ASPHD1: variants seen among roughly 807,000 people sequenced by gnomAD.
ASPHD1 encodes the protein aspartate beta-hydroxylase domain-containing protein 1.
Under a neutral mutation model 28.3 loss-of-function variants are expected in ASPHD1, and 20 were observed. The observed-to-expected ratio is 0.71, with a 90% CI of 0.50 to 1.03. The LOEUF (loss-of-function observed/expected upper bound fraction) is 1.03. Among genes scored for constraint, ASPHD1 ranks in the 50% least tolerant of loss-of-function variants. The pLI is 0.00. For synonymous variants in ASPHD1, 240 were observed against 221.2 expected (o/e 1.08, Z -0.75); for missense variants, 479 against 524.1 (o/e 0.91, Z 0.84).
rs1456583154 is a variant in ASPHD1 at position 29,901,119 on chromosome 16, G to C, written c.148G>C (p.Gly50Arg). ...GACAGGTGGGGAGCTGGGGGGACAG[G>C]GGAACTGGGGTCCGGAGGACGCCCC... is the stretch of plus-strand genomic sequence containing the variant. ...EGTGGELGGQGNWGPEDAPGL... is the reference protein window; with the variant it reads ...EGTGGELGGQRNWGPEDAPGL... Residue 50 changes from glycine to arginine, a missense_variant, in exon 1 of 3, where the codon GGG (glycine) becomes CGG (arginine). Transcript: ENST00000308748. The surrounding 1 kb of genome is among the most constrained non-coding windows in gnomAD (Gnocchi z 5.1). The C allele has an allele frequency of 6.2e-7, 1 of 1,609,152 alleles. No individual in the cohort carries two copies. The highest frequency in any genetic ancestry group is 1.3e-5 in the African/African-American group (1 of 74,856).
At chr16:29,905,397 G>A (rs911080827) in intron 2 of ASPHD1, among the ~76,000 whole-genome samples, 2 of 152,022 alleles carry the variant, frequency 1.3e-5, no homozygotes, top group Non-Finnish European at 2.9e-5. Context: ...AGGCTGAGGT[G>A]GGCGGATCAC....
At chr16:29,902,016 T>C in intron 1 of ASPHD1, 96 bp downstream of exon 1, 1 of 1,026,362 alleles carries the variant, frequency 9.7e-7, no homozygotes, top group Non-Finnish European at 1.3e-6. Flanking sequence ...TGGTTCTCAT[T>C]GTGCCTCTCT....
At position 29,906,005 on chromosome 16, in the gene ASPHD1, G is replaced by GGGGGGGGTGT; in HGVS notation, c.*108_*109insGGGGGGGTGT. Reference sequence around the variant, plus strand: ...ACTGCGGGGGTGGGCGGGGGCGGAGGATGGGAACTGGCTAGTGAGCACTGA... The same window carrying GGGGGGGGTGT: ...ACTGCGGGGGTGGGCGGGGGCGGAGGGGGGGGGTGTATGGGAACTGGCTAGTGAGCACTGA... On this transcript the variant is annotated 3_prime_UTR_variant, in exon 3 of 3. Transcript: ENST00000308748. 1 of 465,160 alleles carries GGGGGGGGTGT rather than the reference G, an allele frequency of 2.1e-6. No individual in the cohort carries two copies. The highest frequency in any genetic ancestry group is 4.0e-6 in the Non-Finnish European group (1 of 252,752). The allele number at this position is 465,160 out of a possible 1,614,324, so 28.8% of individuals were successfully genotyped here.
At chr16:29,905,519 T>C (rs563957332) in intron 2 of ASPHD1, among the ~76,000 whole-genome samples, 72 of 146,174 alleles carry the variant, frequency 4.9e-4, no homozygotes, top group African/African-American at 1.8e-3. Flanking sequence ...TCCCAGCTAC[T>C]AGGGAGACTG....
intron 2 of ASPHD1, 183 bp downstream of exon 2, chr16:29,905,148 G>T (rs1384936025): frequency 3.7e-6 from 2 of 534,164 alleles, no homozygotes; most frequent in African/African-American, 3.9e-5. Context: ...TCTTCATCAA[G>T]TAACTGCAAG....
Position 29,905,673 on chromosome 16 carries a change from G to A in ASPHD1, c.1064-115G>A, listed in dbSNP as rs574760929. On this transcript the variant is annotated intron_variant, in intron 2 of 2. Coordinates refer to ENST00000308748, the MANE Select transcript of ASPHD1 (RefSeq NM_181718.4). Reference sequence around the variant, plus strand: ...AAAAAAGATTTGATACATTTAAAGGGTTAGAACAAGGCCTGCCACTTATTT... The same window carrying A: ...AAAAAAGATTTGATACATTTAAAGGATTAGAACAAGGCCTGCCACTTATTT... The A allele has an allele frequency of 2.0e-3, 1,150 of 576,092 alleles. 13 individuals are homozygous for A. The highest frequency in any genetic ancestry group is 0.016 in the South Asian group (653 of 42,108). 35.7% of individuals were successfully genotyped at this position (576,092 alleles called of 1,614,324 possible). A position where few individuals can be genotyped will look rare whatever the true frequency, so the allele number is the denominator to read the frequency against.
chr16:29,910,059 T>C (rs889000351), downstream of ASPHD1, among the ~76,000 whole-genome samples: 4 of 146,790 alleles, frequency 2.7e-5, no homozygotes, highest in Non-Finnish European at 4.5e-5. Flanking sequence ...GATCACACCA[T>C]TGCACTGCAG....
chr16:29,917,991 T>G (rs2068839412), intron 3 of ASPHD1, among the ~76,000 whole-genome samples: 1 of 151,514 alleles, frequency 6.6e-6, no homozygotes, highest in Non-Finnish European at 1.5e-5. Flanking sequence ...TAACAGAAAA[T>G]CAGAAAAACA....
intron 3 of ASPHD1, chr16:29,911,871 G>T (rs747087552): frequency 6.2e-7 from 1 of 1,612,402 alleles, no homozygotes; most frequent in African/African-American, 1.3e-5. Context: ...CCACGGGCTG[G>T]CGGGGGAGAG....
chr16:29,901,397 G>T lies in ASPHD1; in HGVS notation c.426G>T (p.Thr142=), dbSNP rs764910375. ...GGGATCCCGGGGAAGGACCTAGGAC[G>T]GAAGGCCTAGTGAGCCGGCGGCTTC... is the stretch of plus-strand genomic sequence containing the variant. ...GPGDPGEGPR[T]EGLVSRRLRA... Residue 142 remains threonine (T), a synonymous_variant, in exon 1 of 3, where the codon ACG becomes ACT. Transcript: ENST00000308748. The surrounding 1 kb of genome is among the most constrained non-coding windows in gnomAD (Gnocchi z 5.1). 1.3e-6 allele frequency: 2 copies of T among 1,589,954 alleles called. No homozygotes were observed. The highest frequency in any genetic ancestry group is 1.7e-6 in the Non-Finnish European group (2 of 1,169,716).
chr16:29,904,901 G>A lies in ASPHD1; in HGVS notation c.999G>A (p.Gln333=). 1 of 1,613,452 alleles carries A rather than the reference G, an allele frequency of 6.2e-7. No homozygotes were observed. Among genetic ancestry groups the A allele is most frequent in the East Asian group, 2.2e-5 (1 of 44,820 alleles). The change falls in exon 2 of 3, where the codon CAG becomes CAA. Residue 333 remains glutamine, a synonymous_variant. Coordinates refer to ENST00000308748, the MANE Select transcript of ASPHD1 (RefSeq NM_181718.4). ...GCELVVGGEP[Q]CWAEGHCLLV... ...AGCTGGTGGTCGGCGGTGAGCCCCA[G>A]TGCTGGGCTGAGGGGCACTGTCTAC...
rs145551208 is a variant in ASPHD1 at position 29,912,343 on chromosome 16, A to G, written c.*62+6384A>G. On this transcript the variant is annotated intron_variant and NMD_transcript_variant, in intron 3 of 3. Coordinates refer to the ASPHD1 transcript ENST00000414952. ...GTCAGCGTGGCGTGTCCGTCATGCCATTCAGATCGCAGGTCACACAGTGCC... is the reference window on the plus strand; with the variant it reads ...GTCAGCGTGGCGTGTCCGTCATGCCGTTCAGATCGCAGGTCACACAGTGCC... The G allele has an allele frequency of 4.4e-3, 2,190 of 497,306 alleles. 7 individuals carry two copies. The highest frequency in any genetic ancestry group is 6.1e-3 in the Non-Finnish European group (1,734 of 283,592). 30.8% of individuals were successfully genotyped at this position (497,306 alleles called of 1,614,324 possible).
intron 1 of ASPHD1, among the ~76,000 whole-genome samples, chr16:29,904,530 G>A (rs2068582636): frequency 1.3e-5 from 2 of 148,804 alleles, no homozygotes; most frequent in Admixed American, 1.4e-4. Context: ...TGAGACACGA[G>A]AATCACTTGA....
rs201378660 is a variant in ASPHD1, at chr16:29,911,364, T to TC, written c.*62+5408dup. The TC allele has an allele frequency of 6.8e-3, 4,084 of 602,776 alleles. 114 individuals carry two copies. The highest frequency in any genetic ancestry group is 0.063 in the African/African-American group (3,411 of 53,816). The allele number at this position is 602,776 out of a possible 1,614,324, so 37.3% of individuals were successfully genotyped here. ...AGGGAAGCCACATGCGCTGAGCAAA[T>TC]CCCAGCACAGCACAGCACAGCAGCT... is the stretch of plus-strand genomic sequence containing the variant. On this transcript the variant is annotated intron_variant and NMD_transcript_variant, in intron 3 of 3. Coordinates refer to the ASPHD1 transcript ENST00000414952.
At position 29,901,205 on chromosome 16, in the gene ASPHD1, G is replaced by A. The variant is rs148255395; in HGVS notation, c.234G>A (p.Ser78=). ...MLPWPLPLAS[S]ALTLLFGALT... ...CGTGGCCACTACCCCTGGCCTCCTC[G>A]GCCCTCACCTTGCTCTTCGGGGCCC... Residue 78 remains serine, a synonymous_variant, in exon 1 of 3, where the codon TCG becomes TCA. Transcript: ENST00000308748. This position sits in a 1 kb window ranked among gnomAD's most constrained non-coding sequence, Gnocchi z 5.1. The A allele has an allele frequency of 2.4e-5, 39 of 1,613,694 alleles. No homozygotes were observed. Among genetic ancestry groups the A allele is most frequent in the Non-Finnish European group, 2.6e-5 (31 of 1,179,910 alleles).
chr16:29,903,305 G>A (rs1291328192), intron 1 of ASPHD1, among the ~76,000 whole-genome samples: 1 of 151,880 alleles, frequency 6.6e-6, no homozygotes, highest in African/African-American at 2.4e-5. Flanking sequence ...GCAGTGAGCC[G>A]AGATCACAAC....
At chr16:29,903,891 C>T (rs1000693028) in intron 1 of ASPHD1, among the ~76,000 whole-genome samples, 1 of 152,108 alleles carries the variant, frequency 6.6e-6, no homozygotes, top group Non-Finnish European at 1.5e-5. Flanking sequence ...GGGCCAGGAA[C>T]GTCTTTAATC....
At chr16:29,903,894 CT>C (rs1461627788) in intron 1 of ASPHD1, among the ~76,000 whole-genome samples, 1 of 152,136 alleles carries the variant, frequency 6.6e-6, no homozygotes, top group Non-Finnish European at 1.5e-5. Context: ...CCAGGAACGT[CT>C]TTAATCTTAT....
chr16:29,908,310 T>G (rs2068648151), downstream of ASPHD1, among the ~76,000 whole-genome samples: 1 of 152,218 alleles, frequency 6.6e-6, no homozygotes, highest in South Asian at 2.1e-4. Context: ...AAGAGGTGAC[T>G]GGGGTGTTCC....
Sources: gnomAD v4.1 joint callset for allele counts (sites outside exome capture counted in the v4.1 genomes callset) on GRCh38, gnomAD v4.1.1 for gene constraint, Gnocchi (gnomAD v3.1) non-coding constraint, MANE v1.5 for transcripts, NCBI Gene and HGNC (gene_info 2026-07-23, HGNC 2026-07-21) for gene names.